ARHGEF10L: variants seen among roughly 807,000 people sequenced by gnomAD.
The protein encoded by ARHGEF10L is Rho guanine nucleotide exchange factor 10 like, also known as rho guanine nucleotide exchange factor 10-like protein.
In ARHGEF10L, 69 loss-of-function variants were observed where a neutral mutation model predicts 141.2. The ratio of observed to expected loss-of-function variants is 0.49; its 90% CI spans 0.40 to 0.60. ARHGEF10L has a LOEUF of 0.60. Among genes scored for constraint, ARHGEF10L ranks in the 20% least tolerant of loss-of-function variants. The pLI is 0.00. For synonymous variants in ARHGEF10L, 711 were observed against 718.5 expected (o/e 0.99, Z 0.17); for missense variants, 1,482 against 1,734.3 (o/e 0.85, Z 2.58).
At chr1:17,633,219 G>C (rs2060806592) in intron 16 of ARHGEF10L, among the ~76,000 whole-genome samples, 1 of 152,228 alleles carries the variant, frequency 6.6e-6, no homozygotes. Context: ...CAGCTCACCT[G>C]CTCGCATCCC....
In ARHGEF10L at chr1:17,607,913, G is replaced by C. The variant is rs771311133; in HGVS notation, c.545G>C (p.Gly182Ala). ...SEFESYSEDS[G>A]EEAKPEVEVE... ...TTCGAGAGCTACAGCGAGGACTCGGGGGAGGAGGCCAAGCCGGAGGTCGAG... is the reference window on the plus strand; with the variant it reads ...TTCGAGAGCTACAGCGAGGACTCGGCGGAGGAGGCCAAGCCGGAGGTCGAG... Residue 182 changes from glycine to alanine, a missense_variant, in exon 7 of 29, where the codon GGG becomes GCG. Gly to Ala is a moderately conservative substitution (Grantham distance 60). This residue lies in a region of ARHGEF10L where 392 missense variants were observed against 542.1 expected (regional missense o/e 0.72). Transcript: ENST00000361221. The surrounding 1 kb of genome is among the most constrained non-coding windows in gnomAD (Gnocchi z 4.5). 6.5e-7 allele frequency: 1 copy of C among 1,537,298 alleles called. No homozygotes were observed.
Position 17,596,298 on chromosome 1 carries a change from G to A in ARHGEF10L, c.258-5829G>A, listed in dbSNP as rs140789848. ...AGACCCAGCAGCAGGCTGAACCTGG[G>A]CTGCGTGTTCTTCCCTTTCCTTCGT... On this transcript the variant is annotated intron_variant, in intron 4 of 28. Coordinates refer to ENST00000361221, the MANE Select transcript of ARHGEF10L (RefSeq NM_018125.4). 6.6e-3 allele frequency among the ~76,000 whole-genome samples: 1,009 copies of A among 152,374 alleles called. 12 individuals carry two copies. The highest frequency in any genetic ancestry group is 9.6e-3 in the Non-Finnish European group (652 of 68,034).
chr1:17,622,992 G>T lies in ARHGEF10L; in HGVS notation c.1021-4G>T, dbSNP rs55769404. On this transcript the variant is annotated splice_polypyrimidine_tract_variant and splice_region_variant and intron_variant, in intron 11 of 28. Transcript: ENST00000361221. ...CTGCGGCCTCACCCCGCCCTCCCCG[G>T]CAGGACTACCGCAACCCCCTGATGG... 4.4e-3 allele frequency: 7,012 copies of T among 1,610,694 alleles called. 281 individuals are homozygous for T. In the African/African-American group the frequency reaches 0.084, roughly 19 times the overall value.
Position 17,640,211 on chromosome 1 carries a change from C to T in ARHGEF10L, c.2181C>T (p.Arg727=), listed in dbSNP as rs941860065. ...LLPGKPDKSG[R]PISFMVVFIT... is the part of the protein sequence containing the mutation. ...ACCCTTCTCACCACAGGTCCGGCCG[C>T]CCCATTAGCTTCATGGTGGTTTTCA... The change falls in exon 21 of 29, where the codon CGC becomes CGT. Residue 727 remains arginine (R), a synonymous_variant. Coordinates refer to ENST00000361221, the MANE Select transcript of ARHGEF10L (RefSeq NM_018125.4). The T allele has an allele frequency of 2.5e-6, 4 of 1,611,716 alleles. No homozygotes were observed. Among genetic ancestry groups the T allele is most frequent in the African/African-American group, 1.3e-5 (1 of 74,992 alleles).
At chr1:17,589,390 C>G (rs2079337246) in intron 4 of ARHGEF10L, among the ~76,000 whole-genome samples, 1 of 152,144 alleles carries the variant, frequency 6.6e-6, no homozygotes, top group South Asian at 2.1e-4. Context: ...ATGAATGGCC[C>G]AAGCATCTGG....
At chr1:17,536,311 C>A (rs1364122376), upstream of ARHGEF10L, among the ~76,000 whole-genome samples, 1 of 152,150 alleles carries the variant, frequency 6.6e-6, no homozygotes, top group African/African-American at 2.4e-5. Context: ...GAAACCCCAT[C>A]TCTACAAAAA....
chr1:17,560,731 A>G (rs1333359530), intron 1 of ARHGEF10L, among the ~76,000 whole-genome samples: 1 of 152,102 alleles, frequency 6.6e-6, no homozygotes, highest in Non-Finnish European at 1.5e-5. Context: ...ACACCCAGCT[A>G]ATTTTGTATT....
intron 1 of ARHGEF10L, among the ~76,000 whole-genome samples, chr1:17,562,055 G>A (rs1263927702): frequency 6.6e-6 from 1 of 152,210 alleles, no homozygotes; most frequent in Non-Finnish European, 1.5e-5. Context: ...AACATTTATT[G>A]AAGACTTGTT....
chr1:17,534,624 C>T, the ARHGEF10L span, among the ~76,000 whole-genome samples: 1 of 145,328 alleles, frequency 6.9e-6, no homozygotes, highest in Non-Finnish European at 1.5e-5. Context: ...GAGTCTTGCT[C>T]TGTTGCCCAG....
At chr1:17,670,952 C>T (rs929974893) in intron 26 of ARHGEF10L, among the ~76,000 whole-genome samples, 2 of 152,266 alleles carry the variant, frequency 1.3e-5, no homozygotes, top group Non-Finnish European at 2.9e-5. Context: ...TGAAGCCACC[C>T]TGACTGCTCC....
chr1:17,555,416 G>C (rs967621376), intron 1 of ARHGEF10L, among the ~76,000 whole-genome samples: 4 of 151,564 alleles, frequency 2.6e-5, no homozygotes, highest in Non-Finnish European at 5.9e-5. Context: ...AGGTTGGAGT[G>C]TAATGGCATG....
chr1:17,605,687 G>T (rs2081106706), intron 6 of ARHGEF10L, among the ~76,000 whole-genome samples: 1 of 152,160 alleles, frequency 6.6e-6, no homozygotes, highest in Non-Finnish European at 1.5e-5. Flanking sequence ...GCACAGGGCC[G>T]CTGGGAGCCG....
intron 3 of ARHGEF10L, among the ~76,000 whole-genome samples, 200 bp downstream of exon 3, chr1:17,587,845 G>A (rs934320238): frequency 4.6e-5 from 7 of 152,214 alleles, no homozygotes; most frequent in African/African-American, 1.2e-4. Flanking sequence ...AACATCTGGC[G>A]CACTTTGGCA....
chr1:17,523,668 ATC>A, the ARHGEF10L span, among the ~76,000 whole-genome samples: 1 of 152,304 alleles, frequency 6.6e-6, no homozygotes, highest in Admixed American at 6.5e-5. Flanking sequence ...GCTTGGCTGA[ATC>A]CTGATTTCCT....
Position 17,607,937 on chromosome 1 carries a change from A to G in ARHGEF10L, c.569A>G (p.Glu190Gly). Residue 190 changes from glutamate (E) to glycine (G), a missense_variant, in exon 7 of 29, where the codon GAG becomes GGG. Transcript: ENST00000361221. This position sits in a 1 kb window ranked among gnomAD's most constrained non-coding sequence, Gnocchi z 4.5. Reference protein sequence around the residue: ...DSGEEAKPEVEVEPAKHRVSF... With the variant: ...DSGEEAKPEVGVEPAKHRVSF... ...GGGGAGGAGGCCAAGCCGGAGGTCGAGGTCGAGCCCGCCAAGCACCGAGTG... is the reference window on the plus strand; with the variant it reads ...GGGGAGGAGGCCAAGCCGGAGGTCGGGGTCGAGCCCGCCAAGCACCGAGTG... 6.6e-7 allele frequency: 1 copy of G among 1,507,662 alleles called. No individual in the cohort carries two copies. The highest frequency in any genetic ancestry group is 8.9e-7 in the Non-Finnish European group (1 of 1,129,154). The allele number at this position is 1,507,662 out of a possible 1,614,324, so 93.4% of individuals were successfully genotyped here.
chr1:17,640,037 G>A, intron 20 of ARHGEF10L, 165 bp from the exon 21 acceptor site: 1 of 1,471,010 alleles, frequency 6.8e-7, no homozygotes, highest in Non-Finnish European at 9.0e-7. Context: ...AGGGGACCGA[G>A]GCTTTGCCAA....
chr1:17,680,592 C>T (rs1006689631), intron 26 of ARHGEF10L, among the ~76,000 whole-genome samples: 5 of 152,088 alleles, frequency 3.3e-5, no homozygotes, highest in Non-Finnish European at 5.9e-5. Flanking sequence ...GGTCACAGTG[C>T]GCCAATGCTC....
At chr1:17,691,326 A>C (rs2102559696) in intron 27 of ARHGEF10L, 1 of 285,550 alleles carries the variant, frequency 3.5e-6, no homozygotes, top group South Asian at 3.0e-5. Flanking sequence ...GGAAGGCCCC[A>C]GAATGAGGTC....
rs1251465829 is a variant in ARHGEF10L, at chr1:17,625,036, G to A, written c.1317+533G>A. ...CCTGCCTGTAGGGAGCCTGCTGGCTGGCAGAGGATGCAACTGGGCTAGGTG... is the reference window on the plus strand; with the variant it reads ...CCTGCCTGTAGGGAGCCTGCTGGCTAGCAGAGGATGCAACTGGGCTAGGTG... On this transcript the variant is annotated intron_variant, in intron 13 of 28. Coordinates refer to ENST00000361221, the MANE Select transcript of ARHGEF10L (RefSeq NM_018125.4). This position sits in a 1 kb window ranked among gnomAD's most constrained non-coding sequence, Gnocchi z 4.5. Among the ~76,000 whole-genome samples the A allele has an allele frequency of 1.3e-5, 2 of 152,220 alleles. No homozygotes were observed. Among genetic ancestry groups the A allele is most frequent in the Admixed American group, 1.3e-4 (2 of 15,288 alleles).
Sources: gnomAD v4.1 joint callset for allele counts (sites outside exome capture counted in the v4.1 genomes callset) on GRCh38, gnomAD v4.1.1 for gene constraint, gnomAD v4.1.1 regional missense constraint, Gnocchi (gnomAD v3.1) non-coding constraint, MANE v1.5 for transcripts, NCBI Gene and HGNC (gene_info 2026-07-23, HGNC 2026-07-21) for gene names.